TENM4: variants seen among roughly 807,000 people sequenced by gnomAD.
TENM4 encodes teneurin-4.
A neutral mutation model predicts 243.3 loss-of-function variants in TENM4; 82 were observed. That is an observed-to-expected ratio of 0.34 (90% confidence interval 0.28 to 0.40). The LOEUF (loss-of-function observed/expected upper bound fraction) is 0.40, where lower values mean the gene tolerates loss of function less well. Among genes scored for constraint, TENM4 ranks in the 10% least tolerant of loss-of-function variants. The pLI, the probability that TENM4 is intolerant of heterozygous loss-of-function variation, is 1.00. For synonymous variants in TENM4, 1,412 were observed against 1,456.3 expected (o/e 0.97, Z 0.69); for missense variants, 3,138 against 3,673.3 (o/e 0.85, Z 3.77).
chr11:78,780,140 T>G (rs899897691), intron 16 of TENM4, among the ~76,000 whole-genome samples: 1 of 152,092 alleles, frequency 6.6e-6, no homozygotes, highest in African/African-American at 2.4e-5. Context: ...GAGTACTTAT[T>G]AAGTAGGGGT....
chr11:79,208,982 C>T (rs931188905), intron 3 of TENM4, among the ~76,000 whole-genome samples: 1 of 152,172 alleles, frequency 6.6e-6, no homozygotes, highest in Non-Finnish European at 1.5e-5. Flanking sequence ...CGGGCCACTA[C>T]CTCAGTGGCT....
intron 1 of TENM4, among the ~76,000 whole-genome samples, chr11:79,386,382 G>A (rs1858111925): frequency 6.6e-6 from 1 of 152,048 alleles, no homozygotes; most frequent in South Asian, 2.1e-4. Context: ...GACATAAAAT[G>A]TGCTAATCAA....
intron 6 of TENM4, among the ~76,000 whole-genome samples, chr11:79,016,747 G>A (rs1160312499): frequency 6.6e-6 from 1 of 152,220 alleles, no homozygotes; most frequent in African/African-American, 2.4e-5. Flanking sequence ...GCATGTGTGT[G>A]AGGAAGTCTT....
intron 10 of TENM4, among the ~76,000 whole-genome samples, chr11:78,858,557 GA>G (rs1453559354): frequency 6.6e-6 from 1 of 152,162 alleles, no homozygotes; most frequent in Non-Finnish European, 1.5e-5. Context: ...TGAGGGTTGG[GA>G]AAGTGAAATG....
intron 3 of TENM4, among the ~76,000 whole-genome samples, chr11:79,185,629 T>C (rs897390180): frequency 1.5e-4 from 23 of 152,204 alleles, no homozygotes; most frequent in Admixed American, 2.6e-4. Context: ...ATATACCATT[T>C]AACTTTCACA....
At chr11:79,414,099 C>G (rs2135577280) in intron 1 of TENM4, among the ~76,000 whole-genome samples, 1 of 152,028 alleles carries the variant, frequency 6.6e-6, no homozygotes. Flanking sequence ...GAGACAGATC[C>G]CTTGGTCCTG....
intron 1 of TENM4, among the ~76,000 whole-genome samples, chr11:79,421,573 C>T (rs1038521343): frequency 5.9e-5 from 9 of 152,106 alleles, no homozygotes; most frequent in Middle Eastern, 3.4e-3. Context: ...ATAATTCTAA[C>T]GGGGTTTTCA....
At chr11:79,113,449 AG>A (rs1861551380) in intron 4 of TENM4, among the ~76,000 whole-genome samples, 1 of 147,018 alleles carries the variant, frequency 6.8e-6, no homozygotes, top group Non-Finnish European at 1.5e-5. Context: ...AGAGAAAGAG[AG>A]GGGGTGCTTC....
intron 12 of TENM4, among the ~76,000 whole-genome samples, chr11:78,822,210 GT>G (rs1411808234): frequency 6.6e-6 from 1 of 152,228 alleles, no homozygotes; most frequent in Non-Finnish European, 1.5e-5. Context: ...GAGTCATGGT[GT>G]AAAGGAACTT....
At chr11:79,048,533 C>T (rs555920087) in intron 6 of TENM4, among the ~76,000 whole-genome samples, 4 of 152,232 alleles carry the variant, frequency 2.6e-5, no homozygotes, top group African/African-American at 4.8e-5. Flanking sequence ...CACCCTCTAC[C>T]GAGACCCTAA....
intron 1 of TENM4, among the ~76,000 whole-genome samples, chr11:79,331,257 C>T (rs1469538153): frequency 6.6e-6 from 1 of 152,018 alleles, no homozygotes; most frequent in African/African-American, 2.4e-5. Context: ...CTTTGCACAG[C>T]CAGCATTTTT....
intron 21 of TENM4, among the ~76,000 whole-genome samples, chr11:78,731,078 A>G (rs1855655993): frequency 6.6e-6 from 1 of 152,230 alleles, no homozygotes; most frequent in Admixed American, 6.5e-5. Flanking sequence ...TGAATCTGAT[A>G]ATAAGCAAGA....
intron 7 of TENM4, among the ~76,000 whole-genome samples, chr11:78,897,762 G>C (rs1430843131): frequency 1.3e-5 from 2 of 152,210 alleles, no homozygotes; most frequent in Non-Finnish European, 2.9e-5. Context: ...CAACGCTCTG[G>C]GGCTGACCTG....
chr11:78,846,323 T>C (rs1858391444), intron 12 of TENM4, among the ~76,000 whole-genome samples: 1 of 152,214 alleles, frequency 6.6e-6, no homozygotes, highest in South Asian at 2.1e-4. Context: ...GTATTTAAAC[T>C]TGAGAATCCA....
At chr11:78,688,373 C>T (rs1332974007) in intron 28 of TENM4, 147 bp from the exon 29 acceptor site, 2 of 874,196 alleles carry the variant, frequency 2.3e-6, no homozygotes, top group East Asian at 5.0e-5. Context: ...ATATCTTGCA[C>T]AGGACCTGGT....
At chr11:78,979,027 G>A (rs1857731155) in intron 6 of TENM4, among the ~76,000 whole-genome samples, 1 of 152,304 alleles carries the variant, frequency 6.6e-6, no homozygotes, top group Non-Finnish European at 1.5e-5. Flanking sequence ...AGAAGAGAAA[G>A]GTGCCTGTAG....
At chr11:79,351,996 C>T (rs1013787244) in intron 1 of TENM4, among the ~76,000 whole-genome samples, 2 of 152,134 alleles carry the variant, frequency 1.3e-5, no homozygotes, top group Admixed American at 6.5e-5. Flanking sequence ...AACTAAACAT[C>T]AGTTTTCTGA....
rs547860529 is a variant in TENM4 at position 78,804,410 on chromosome 11, T to C, written c.2179+882A>G. On this transcript the variant is annotated intron_variant, in intron 15 of 33. Coordinates refer to ENST00000278550, the MANE Select transcript of TENM4 (RefSeq NM_001098816.3). The stretch of plus-strand genomic sequence containing the variant: ...TAAGTATTTGCTGTTTAAAGTATTA[T>C]GTAAATTGGTAAAACATGGATAGCT... 3.9e-4 allele frequency among the ~76,000 whole-genome samples: 59 copies of C among 152,328 alleles called. 2 individuals carry two copies. In the South Asian group the frequency reaches 0.012, roughly 30 times the overall value.
chr11:78,745,429 A>G (rs1330608055), intron 19 of TENM4, among the ~76,000 whole-genome samples: 2 of 151,864 alleles, frequency 1.3e-5, no homozygotes, highest in African/African-American at 4.8e-5. Flanking sequence ...GGGTTTTGCC[A>G]TGTTGGCCAG....
Sources: gnomAD v4.1 joint callset for allele counts (sites outside exome capture counted in the v4.1 genomes callset) on GRCh38, gnomAD v4.1.1 for gene constraint, MANE v1.5 for transcripts, NCBI Gene and HGNC (gene_info 2026-07-23, HGNC 2026-07-21) for gene names.